The following RSU1 variants were observed in gnomAD, a reference collection of about 807,000 sequenced individuals.
RSU1 encodes the protein rsu-1.
Under a neutral mutation model 31.1 loss-of-function variants are expected in RSU1, and 26 were observed. The ratio of observed to expected loss-of-function variants is 0.84; its 90% CI spans 0.61 to 1.16. The LOEUF (loss-of-function observed/expected upper bound fraction) is 1.16, where lower values mean the gene tolerates loss of function less well. Ranked by LOEUF, RSU1 falls within the 50% of genes most tolerant of loss-of-function variation. The pLI is 0.00. For synonymous variants in RSU1, 164 were observed against 136.3 expected, an observed-to-expected ratio of 1.20 and a Z score of -1.41; for missense variants, 320 against 339.1, an observed-to-expected ratio of 0.94 and a Z score of 0.44.
intron 8 of RSU1, among the ~76,000 whole-genome samples, chr10:16,624,647 T>C (rs1394876693): frequency 1.3e-5 from 2 of 152,188 alleles, no homozygotes; most frequent in South Asian, 2.1e-4. Flanking sequence ...ACTTCTCTTA[T>C]TCACTCATAG....
At chr10:16,680,782 G>A (rs1835316687) in intron 8 of RSU1, among the ~76,000 whole-genome samples, 1 of 152,152 alleles carries the variant, frequency 6.6e-6, no homozygotes, top group African/African-American at 2.4e-5. Context: ...GCTGGGGATT[G>A]CATTTCAACA....
intron 2 of RSU1, among the ~76,000 whole-genome samples, chr10:16,806,111 T>C (rs1422515093): frequency 3.9e-5 from 6 of 152,218 alleles, no homozygotes; most frequent in Admixed American, 6.5e-5. Context: ...TTGGAATAGA[T>C]TTTTTTAAAA....
chr10:16,728,624 G>A (rs1836443453), intron 7 of RSU1, among the ~76,000 whole-genome samples: 4 of 152,232 alleles, frequency 2.6e-5, no homozygotes, highest in South Asian at 2.1e-4. Flanking sequence ...CCTGGAACCT[G>A]CGCATATCAG....
chr10:16,612,767 G>A (rs79313043), intron 8 of RSU1, among the ~76,000 whole-genome samples: 5,256 of 152,170 alleles, frequency 0.035, 301 homozygotes, highest in African/African-American at 0.12. Flanking sequence ...TCAGCTCTTC[G>A]TTACCCAGAT....
chr10:16,650,680 C>T (rs1010116181), intron 8 of RSU1, among the ~76,000 whole-genome samples: 7 of 149,552 alleles, frequency 4.7e-5, no homozygotes, highest in African/African-American at 1.7e-4. Context: ...CCTGGGTTCA[C>T]GCCATTCTCC....
chr10:16,674,309 T>C (rs963891877), intron 8 of RSU1, among the ~76,000 whole-genome samples: 5 of 151,566 alleles, frequency 3.3e-5, no homozygotes, highest in South Asian at 2.1e-4. Context: ...TTTATGGTGA[T>C]GGAAGTGGCA....
chr10:16,688,674 AT>A (rs928967354), intron 8 of RSU1, among the ~76,000 whole-genome samples: 1 of 152,202 alleles, frequency 6.6e-6, no homozygotes, highest in African/African-American at 2.4e-5. Context: ...CAGGAAGAGA[AT>A]ACATAGTCAA....
rs533270917 is a variant in RSU1, at chr10:16,612,238, A to G, written c.732-18742T>C. On this transcript the variant is annotated intron_variant, in intron 8 of 8. Transcript: ENST00000345264. ...ACTGTTTCTTTCCAAAGAGATATAT[A>G]TTTTTTAAATGTTGCAATATGTATG... 5.9e-5 allele frequency among the ~76,000 whole-genome samples: 9 copies of G among 152,322 alleles called. No homozygotes were observed. The East Asian group carries it at 1.7e-3, about 29-fold the overall frequency.
intron 7 of RSU1, among the ~76,000 whole-genome samples, chr10:16,698,638 T>C (rs1464499224): frequency 1.3e-5 from 2 of 152,186 alleles, no homozygotes; most frequent in Non-Finnish European, 2.9e-5. Flanking sequence ...GATGTCTCTA[T>C]TTAGGTGCTG....
chr10:16,605,559 A>G (rs1454146306), intron 8 of RSU1, among the ~76,000 whole-genome samples: 2 of 152,162 alleles, frequency 1.3e-5, no homozygotes, highest in Admixed American at 1.3e-4. Flanking sequence ...CTCATACACA[A>G]CTGTCACCCC....
At chr10:16,742,610 TA>T (rs975227094) in intron 7 of RSU1, among the ~76,000 whole-genome samples, 449 of 144,104 alleles carry the variant, frequency 3.1e-3, no homozygotes, top group Middle Eastern at 3.7e-3. Context: ...CTCTGGAATT[TA>T]AAAAAAAAAA....
intron 8 of RSU1, among the ~76,000 whole-genome samples, chr10:16,682,926 C>A (rs1401922780): frequency 6.6e-6 from 1 of 152,118 alleles, no homozygotes; most frequent in Non-Finnish European, 1.5e-5. Context: ...CTCTGTGGAA[C>A]CCTCCCTTCA....
intron 8 of RSU1, among the ~76,000 whole-genome samples, chr10:16,611,817 G>T (rs748192849): frequency 6.6e-6 from 1 of 152,180 alleles, no homozygotes; most frequent in Non-Finnish European, 1.5e-5. Flanking sequence ...TCCAGAGAGC[G>T]AGAGAGAGTG....
intron 7 of RSU1, among the ~76,000 whole-genome samples, chr10:16,749,758 G>T (rs1368516407): frequency 1.3e-5 from 2 of 152,212 alleles, no homozygotes; most frequent in African/African-American, 2.4e-5. Flanking sequence ...AAAGTGTTAT[G>T]CTAGCCTTGC....
At chr10:16,806,048 C>G (rs1838259811) in intron 2 of RSU1, among the ~76,000 whole-genome samples, 1 of 152,182 alleles carries the variant, frequency 6.6e-6, no homozygotes, top group Admixed American at 6.5e-5. Context: ...GAAAATCTGT[C>G]AACTTGTACT....
intron 8 of RSU1, among the ~76,000 whole-genome samples, chr10:16,599,671 C>T (rs1833683171): frequency 6.6e-6 from 1 of 152,210 alleles, no homozygotes; most frequent in Non-Finnish European, 1.5e-5. Flanking sequence ...GCTCTTGTCC[C>T]TTGGGCACAC....
At chr10:16,742,069 A>C (rs376020573) in intron 7 of RSU1, among the ~76,000 whole-genome samples, 1 of 152,196 alleles carries the variant, frequency 6.6e-6, no homozygotes, top group Admixed American at 6.5e-5. Flanking sequence ...AGAAGAGCCG[A>C]TATTTTTAAA....
At chr10:16,638,065 G>C (rs1317800135) in intron 8 of RSU1, among the ~76,000 whole-genome samples, 1 of 152,126 alleles carries the variant, frequency 6.6e-6, no homozygotes, top group Admixed American at 6.5e-5. Flanking sequence ...GATAAAATTT[G>C]AGTGGTGGCC....
intron 2 of RSU1, among the ~76,000 whole-genome samples, chr10:16,815,587 C>T (rs1185859064): frequency 2.6e-5 from 4 of 152,170 alleles, no homozygotes; most frequent in African/African-American, 4.8e-5. Context: ...ATCTACTGTG[C>T]TCCAGGCACT....
Sources: gnomAD v4.1 joint callset for allele counts (sites outside exome capture counted in the v4.1 genomes callset) on GRCh38, gnomAD v4.1.1 for gene constraint, MANE v1.5 for transcripts, NCBI Gene and HGNC (gene_info 2026-07-23, HGNC 2026-07-21) for gene names.